The following CELF6 variants were observed in gnomAD, a reference collection of about 807,000 sequenced individuals.
CELF6 encodes the protein CUGBP Elav-like family member 6.
In CELF6, 32 loss-of-function variants were observed where a neutral mutation model predicts 53.1. The ratio of observed to expected loss-of-function variants is 0.60; its 90% CI spans 0.46 to 0.81. The LOEUF is 0.81. CELF6 is among the 30% of genes least tolerant of loss of function. The pLI, the probability that CELF6 is intolerant of heterozygous loss-of-function variation, is 0.00. For synonymous variants in CELF6, 291 were observed against 288.8 expected, an observed-to-expected ratio of 1.01 and a Z score of -0.08; for missense variants, 539 against 669.5, an observed-to-expected ratio of 0.81 and a Z score of 2.15.
At chr15:72,318,111 G>A (rs1814614517) in intron 1 of CELF6, among the ~76,000 whole-genome samples, 1 of 152,124 alleles carries the variant, frequency 6.6e-6, no homozygotes, top group Non-Finnish European at 1.5e-5. Flanking sequence ...CTAAAAATAA[G>A]AAAATGAGTT....
chr15:72,309,351 T>G (rs1473378019), intron 2 of CELF6, among the ~76,000 whole-genome samples: 2 of 152,180 alleles, frequency 1.3e-5, no homozygotes, highest in Non-Finnish European at 2.9e-5. Flanking sequence ...GAGAGGTGAA[T>G]GTGACCTGGA....
chr15:72,308,639 G>A (rs746824659), intron 2 of CELF6, among the ~76,000 whole-genome samples: 3 of 152,122 alleles, frequency 2.0e-5, no homozygotes, highest in Non-Finnish European at 2.9e-5. Context: ...TGACTTTGTT[G>A]TATTTCAAAG....
intron 3 of CELF6, among the ~76,000 whole-genome samples, chr15:72,293,627 T>C (rs1030763555): frequency 6.6e-6 from 1 of 152,066 alleles, no homozygotes; most frequent in Non-Finnish European, 1.5e-5. Context: ...GAATGCCATA[T>C]GGTTGAATGG....
rs544717134 is a variant in CELF6, at chr15:72,306,254, G to A, written c.346-1460C>T. 1,095 of 985,158 alleles carry A rather than the reference G, an allele frequency of 1.1e-3. 1 individual carries two copies. The highest frequency in any genetic ancestry group is 1.3e-3 in the Non-Finnish European group (1,051 of 829,802). 61.0% of individuals were successfully genotyped at this position (985,158 alleles called of 1,614,324 possible). A position where few individuals can be genotyped will look rare whatever the true frequency, so the allele number is the denominator to read the frequency against. On this transcript the variant is annotated intron_variant, in intron 2 of 12. Transcript: ENST00000287202. The stretch of plus-strand genomic sequence containing the variant: ...GTGAGGAATTATTGTTGGGGGGCAG[G>A]CAGCTGAGTGCCAGGAGGGAAAAAC...
chr15:72,313,292 T>A (rs1331785806), intron 2 of CELF6, among the ~76,000 whole-genome samples: 2 of 152,230 alleles, frequency 1.3e-5, no homozygotes, highest in Non-Finnish European at 2.9e-5. Flanking sequence ...AAAATGGGAA[T>A]GCCAATAACA....
At chr15:72,314,406 C>T (rs1455919085) in intron 2 of CELF6, among the ~76,000 whole-genome samples, 2 of 152,080 alleles carry the variant, frequency 1.3e-5, no homozygotes, top group African/African-American at 4.8e-5. Context: ...TACTCTGTGC[C>T]AGGCACTTGC....
chr15:72,298,347 T>C lies in CELF6; in HGVS notation c.394+6399A>G, dbSNP rs1161809871. ...CAGGCAGAAATTACTTACGCAATTA[T>C]AGGATAGTGATAGGAGGGTTAATTG... On this transcript the variant is annotated intron_variant, in intron 3 of 12. Coordinates refer to ENST00000287202, the MANE Select transcript of CELF6 (RefSeq NM_052840.5). 2.0e-5 allele frequency among the ~76,000 whole-genome samples: 3 copies of C among 152,352 alleles called. 1 individual carries two copies. Among genetic ancestry groups the C allele is most frequent in the South Asian group, 4.1e-4 (2 of 4,828 alleles).
At chr15:72,305,859 T>TG (rs113203140) in intron 2 of CELF6, among the ~76,000 whole-genome samples, 8,237 of 151,292 alleles carry the variant, frequency 0.054, 538 homozygotes, top group African/African-American at 0.15. Flanking sequence ...CATTTGTTTT[T>TG]TTTTTTTTTT....
rs921797865 is a variant in CELF6 at position 72,316,041 on chromosome 15, GCTTT to G, written c.263-118_263-115del. The stretch of plus-strand genomic sequence containing the variant: ...CCACTCTCCTTTAAGCAAGGACTCT[GCTTT>G]CTGAGAAGCCCTCTCTGCCTCCCAC... On this transcript the variant is annotated intron_variant, in intron 1 of 12. Transcript: ENST00000287202. 4 of 667,996 alleles carry G rather than the reference GCTTT, an allele frequency of 6.0e-6. No individual in the cohort carries two copies. The African/African-American group carries it at 7.4e-5, about 12-fold the overall frequency. The allele number at this position is 667,996 out of a possible 1,614,324, so 41.4% of individuals were successfully genotyped here. A position where few individuals can be genotyped will look rare whatever the true frequency, so the allele number is the denominator to read the frequency against.
At chr15:72,296,299 C>A (rs73438486) in intron 3 of CELF6, among the ~76,000 whole-genome samples, 24,093 of 152,142 alleles carry the variant, frequency 0.16, 4,106 homozygotes, top group African/African-American at 0.42. Context: ...AAAAGATTTC[C>A]TGACAGGATT....
chr15:72,288,581 A>T lies in CELF6; in HGVS notation c.1131T>A (p.Ala377=), dbSNP rs369857833. 6.3e-7 allele frequency: 1 copy of T among 1,583,374 alleles called. No individual in the cohort carries two copies. Among genetic ancestry groups the T allele is most frequent in the African/African-American group, 1.3e-5 (1 of 74,214 alleles). ...GCAGGGCTGAAGGCTGCTGGGGAAAAGCTGTGCTCACTGGGGCATAGGCCG... is the reference window on the plus strand; with the variant it reads ...GCAGGGCTGAAGGCTGCTGGGGAAATGCTGTGCTCACTGGGGCATAGGCCG... ...YPSAYAPVST[A]FPQQPSALPQ... is the part of the protein sequence containing the mutation. The change falls in exon 10 of 13, where the codon GCT becomes GCA. Residue 377 remains alanine, a synonymous_variant. Coordinates refer to ENST00000287202, the MANE Select transcript of CELF6 (RefSeq NM_052840.5). This position sits in a 1 kb window ranked among gnomAD's most constrained non-coding sequence, Gnocchi z 4.6.
At chr15:72,309,770 C>T (rs992084129) in intron 2 of CELF6, among the ~76,000 whole-genome samples, 1 of 152,130 alleles carries the variant, frequency 6.6e-6, no homozygotes, top group African/African-American at 2.4e-5. Flanking sequence ...TCAGGAGTCC[C>T]CCTTGAGGAA....
At position 72,291,627 on chromosome 15, in the gene CELF6, C is replaced by T. The variant is rs971925296; in HGVS notation, c.395-1372G>A. Among the ~76,000 whole-genome samples the T allele has an allele frequency of 1.2e-4, 19 of 152,206 alleles. 1 individual carries two copies. The East Asian group carries it at 2.7e-3, about 22-fold the overall frequency. On this transcript the variant is annotated intron_variant, in intron 3 of 12. Coordinates refer to ENST00000287202, the MANE Select transcript of CELF6 (RefSeq NM_052840.5). ...GAAGAACAGACTGTTCAAAACTGAA[C>T]GAAGTTAGCAGGGGAGAAATCTCCA...
At chr15:72,302,196 G>A (rs2141196933) in intron 3 of CELF6, among the ~76,000 whole-genome samples, 1 of 152,214 alleles carries the variant, frequency 6.6e-6, no homozygotes, top group East Asian at 1.9e-4. Flanking sequence ...AATTGTAAAG[G>A]CCCAACTGTT....
intron 3 of CELF6, 22 bp downstream of exon 3, chr15:72,304,724 G>T (rs767720979): frequency 6.2e-7 from 1 of 1,612,848 alleles, no homozygotes; most frequent in East Asian, 2.2e-5. Context: ...GCAGCCTGAG[G>T]TTGGTCAGAC....
In CELF6 at chr15:72,289,190, A is replaced by G. The variant is rs148963570; in HGVS notation, c.978T>C (p.Asn326=). The change falls in exon 8 of 13, where the codon AAT becomes AAC. Residue 326 remains asparagine, a synonymous_variant. Transcript: ENST00000287202. The surrounding 1 kb of genome is among the most constrained non-coding windows in gnomAD (Gnocchi z 7.6). The part of the protein sequence containing the change: ...NGFGPLTPQT[N]GQPGSDTLYN... ...AGAGCGTGTCGGAGCCCGGCTGGCCATTGGTCTGGGGGGTCAGAGGGCCGA... is the reference window on the plus strand; with the variant it reads ...AGAGCGTGTCGGAGCCCGGCTGGCCGTTGGTCTGGGGGGTCAGAGGGCCGA... The G allele has an allele frequency of 3.8e-6, 6 of 1,561,884 alleles. No homozygotes were observed. In the African/African-American group the frequency reaches 5.5e-5, roughly 14 times the overall value.
chr15:72,289,642 G>A lies in CELF6; in HGVS notation c.732C>T (p.Gly244=). The change falls in exon 6 of 13, where the codon GGC becomes GGT. Residue 244 remains glycine, a synonymous_variant. Transcript: ENST00000287202. The surrounding 1 kb of genome is among the most constrained non-coding windows in gnomAD (Gnocchi z 7.6). ...CGGTACCTACCGCCGTGGTGTAGGCGCCGCAGGCCCCTAGCGGCAGTGGCG... is the reference window on the plus strand; with the variant it reads ...CGGTACCTACCGCCGTGGTGTAGGCACCGCAGGCCCCTAGCGGCAGTGGCG... ...HPAPLPLGAC[G]AYTTAILQHQ... 1 of 1,502,234 alleles carries A rather than the reference G, an allele frequency of 6.7e-7. No individual in the cohort carries two copies. Among genetic ancestry groups the A allele is most frequent in the Non-Finnish European group, 8.8e-7 (1 of 1,134,424 alleles). 93.1% of individuals were successfully genotyped at this position (1,502,234 alleles called of 1,614,324 possible). A position where few individuals can be genotyped will look rare whatever the true frequency, so the allele number is the denominator to read the frequency against.
Position 72,289,376 on chromosome 15 carries a change from T to C in CELF6, c.879A>G (p.Ala293=). The C allele has an allele frequency of 6.5e-7, 1 of 1,548,032 alleles. No homozygotes were observed. Among genetic ancestry groups the C allele is most frequent in the Non-Finnish European group, 8.7e-7 (1 of 1,154,916 alleles). Residue 293 remains alanine (A), a splice_region_variant and synonymous_variant, in exon 7 of 13, where the codon GCA becomes GCG. Coordinates refer to ENST00000287202, the MANE Select transcript of CELF6 (RefSeq NM_052840.5). This position sits in a 1 kb window ranked among gnomAD's most constrained non-coding sequence, Gnocchi z 7.6. The stretch of plus-strand genomic sequence containing the variant: ...CGCCCCAGTCCCTGGGGGCCGTACC[T>C]GCCGCGGGCAACAGAGGCGCAGCTA... ...SLVAAPLLPA[A]AANSPPGSGP...
chr15:72,292,306 A>C, intron 3 of CELF6: 1 of 1,399,262 alleles, frequency 7.1e-7, no homozygotes, highest in Non-Finnish European at 9.7e-7. Flanking sequence ...CTCTCAACCA[A>C]TCTGATGGCT....
Sources: allele counts gnomAD v4.1 joint callset (sites outside exome capture counted in the v4.1 genomes callset), GRCh38; gene constraint gnomAD v4.1.1; non-coding constraint Gnocchi (gnomAD v3.1); transcripts MANE v1.5; gene names NCBI Gene and HGNC (gene_info 2026-07-23, HGNC 2026-07-21).